Variants in CDH11 observed in about 807,000 individuals in gnomAD.
The protein encoded by CDH11 is cadherin-11.
In CDH11, 11 loss-of-function variants were observed where a neutral mutation model predicts 67.8. That is an observed-to-expected ratio of 0.16 (90% confidence interval 0.10 to 0.27). CDH11 has a LOEUF of 0.27. Among genes scored for constraint, CDH11 ranks in the 10% least tolerant of loss-of-function variants. The pLI is 1.00. For synonymous variants in CDH11, 419 were observed against 400.0 expected (o/e 1.05, Z -0.57); for missense variants, 847 against 1,031.2 (o/e 0.82, Z 2.45).
intron 1 of CDH11, among the ~76,000 whole-genome samples, chr16:65,089,705 C>T (rs957623197): frequency 5.9e-5 from 9 of 152,040 alleles, no homozygotes; most frequent in Non-Finnish European, 1.2e-4. Context: ...GTTTCTTTTG[C>T]GTGTTACATA....
Position 64,945,890 on chromosome 16 carries a change from C to T in CDH11, c.*1713G>A. 9.5e-7 allele frequency: 1 copy of T among 1,057,472 alleles called. No individual in the cohort carries two copies. The highest frequency in any genetic ancestry group is 4.6e-5 in the South Asian group (1 of 21,896). 65.5% of individuals were successfully genotyped at this position (1,057,472 alleles called of 1,614,324 possible). A position where few individuals can be genotyped will look rare whatever the true frequency, so the allele number is the denominator to read the frequency against. On this transcript the variant is annotated 3_prime_UTR_variant, in exon 13 of 13. Coordinates refer to ENST00000268603, the MANE Select transcript of CDH11 (RefSeq NM_001797.4). ...TCTGCAATCCAAGAAAAAGCACGTG[C>T]CCTGTGTGTAGGGGGAAAGAGGGAA... is the stretch of plus-strand genomic sequence containing the variant.
intron 1 of CDH11, among the ~76,000 whole-genome samples, chr16:65,105,988 G>A (rs755087576): frequency 2.0e-5 from 3 of 152,124 alleles, no homozygotes; most frequent in Non-Finnish European, 4.4e-5. Context: ...ACAGGTTTGG[G>A]GGCCTCTTTG....
At chr16:65,115,296 T>C (rs187417095) in intron 1 of CDH11, among the ~76,000 whole-genome samples, 1 of 152,254 alleles carries the variant, frequency 6.6e-6, no homozygotes, top group Admixed American at 6.5e-5. Flanking sequence ...GGAAGAGGGA[T>C]GGATCACTTA....
rs1252227710 is a variant in CDH11, at chr16:64,943,820, T to C, written c.*3783A>G. Reference sequence around the variant, plus strand: ...TTCAGGCACTGTGTAAAGAACTGAGTATACAATGGTAAACAAGAAAGCAAG... The same window carrying C: ...TTCAGGCACTGTGTAAAGAACTGAGCATACAATGGTAAACAAGAAAGCAAG... On this transcript the variant is annotated 3_prime_UTR_variant, in exon 13 of 13. Transcript: ENST00000268603. 1 of 220,382 alleles carries C rather than the reference T, an allele frequency of 4.5e-6. No homozygotes were observed. Among genetic ancestry groups the C allele is most frequent in the Admixed American group, 5.8e-5 (1 of 17,350 alleles). 13.7% of individuals were successfully genotyped at this position (220,382 alleles called of 1,614,324 possible). A position where few individuals can be genotyped will look rare whatever the true frequency, so the allele number is the denominator to read the frequency against.
At chr16:64,993,375 T>A (rs1451814787) in intron 4 of CDH11, among the ~76,000 whole-genome samples, 1 of 152,134 alleles carries the variant, frequency 6.6e-6, no homozygotes, top group African/African-American at 2.4e-5. Flanking sequence ...GTTCAGTATA[T>A]CAAATAATTA....
intron 2 of CDH11, among the ~76,000 whole-genome samples, chr16:65,031,114 T>C (rs1297669140): frequency 6.6e-6 from 1 of 152,190 alleles, no homozygotes; most frequent in Non-Finnish European, 1.5e-5. Context: ...GTCAGAATAA[T>C]TTATATTAGG....
At chr16:65,041,903 A>T (rs943996578) in intron 2 of CDH11, among the ~76,000 whole-genome samples, 2 of 152,242 alleles carry the variant, frequency 1.3e-5, no homozygotes, top group Non-Finnish European at 2.9e-5. Flanking sequence ...GGAGTGCTCC[A>T]GGCAATGATG....
chr16:65,115,164 C>T (rs1482453878), intron 1 of CDH11, among the ~76,000 whole-genome samples: 2 of 152,100 alleles, frequency 1.3e-5, no homozygotes, highest in East Asian at 3.9e-4. Context: ...CTTACCACAG[C>T]AACCCATACG....
chr16:65,031,673 G>A (rs1048805642), intron 2 of CDH11, among the ~76,000 whole-genome samples: 1 of 152,088 alleles, frequency 6.6e-6, no homozygotes. Context: ...AGAGGAAAGG[G>A]GTGATGCAGA....
At chr16:64,950,466 T>A (rs1342111547) in intron 12 of CDH11, among the ~76,000 whole-genome samples, 1 of 152,098 alleles carries the variant, frequency 6.6e-6, no homozygotes, top group Non-Finnish European at 1.5e-5. Context: ...TGAAGCCCCC[T>A]AGTGGCTCCT....
chr16:65,111,713 A>ACACAC (rs1567586100), intron 1 of CDH11, among the ~76,000 whole-genome samples: 4 of 150,804 alleles, frequency 2.7e-5, no homozygotes, highest in African/African-American at 4.9e-5. Context: ...ACACACACAC[A>ACACAC]AATGGGGAGT....
chr16:65,046,846 G>A (rs1293325641), intron 2 of CDH11, among the ~76,000 whole-genome samples: 1 of 152,108 alleles, frequency 6.6e-6, no homozygotes. Context: ...GGTGACTCAG[G>A]CTTGTAATTC....
At chr16:64,953,662 A>T (rs2071424355) in intron 11 of CDH11, among the ~76,000 whole-genome samples, 1 of 152,242 alleles carries the variant, frequency 6.6e-6, no homozygotes, top group Admixed American at 6.5e-5. Flanking sequence ...CAATTACAAT[A>T]AAAATTACAT....
chr16:64,944,347 C>T lies in CDH11; in HGVS notation c.*3256G>A. The T allele has an allele frequency of 4.3e-6, 1 of 232,674 alleles. No individual in the cohort carries two copies. Among genetic ancestry groups the T allele is most frequent in the Non-Finnish European group, 8.5e-6 (1 of 117,724 alleles). The allele number at this position is 232,674 out of a possible 1,614,324, so 14.4% of individuals were successfully genotyped here. On this transcript the variant is annotated 3_prime_UTR_variant, in exon 13 of 13. Transcript: ENST00000268603. Reference sequence around the variant, plus strand: ...GTGCAAGAGCAGAGAAGTCTTTCCTCTTCTCCATCTCCAAATTACTGAATT... The same window carrying T: ...GTGCAAGAGCAGAGAAGTCTTTCCTTTTCTCCATCTCCAAATTACTGAATT...
intron 1 of CDH11, among the ~76,000 whole-genome samples, chr16:65,067,705 G>A (rs1203326002): frequency 6.7e-6 from 1 of 148,732 alleles, no homozygotes; most frequent in East Asian, 2.0e-4. Flanking sequence ...GAGAAGGAGG[G>A]AGGGAAGAAG....
chr16:65,092,182 C>T (rs184704627), intron 1 of CDH11, among the ~76,000 whole-genome samples: 1 of 152,256 alleles, frequency 6.6e-6, no homozygotes, highest in East Asian at 1.9e-4. Flanking sequence ...TACACTGCAG[C>T]CCCTCAAAGC....
At chr16:64,982,533 C>T (rs186607689) in intron 7 of CDH11, 215 of 487,406 alleles carry the variant, frequency 4.4e-4, no homozygotes, top group Non-Finnish European at 2.8e-4. Flanking sequence ...AGAAAGACCA[C>T]GTCATCTAAA....
chr16:65,097,505 C>T (rs1005578615), intron 1 of CDH11, among the ~76,000 whole-genome samples: 9 of 152,162 alleles, frequency 5.9e-5, no homozygotes, highest in East Asian at 1.9e-4. Context: ...CACTGCAGGA[C>T]GTCTAGCGGC....
In CDH11 at chr16:64,991,808, T is replaced by C; in HGVS notation, c.771A>G (p.Thr257=). ...GTGGGTTGTCATTGACATCGGTCAG[T>C]GTGATCGTCACTTTGGTTGTCCCTG... ...GLSGTTKVTI[T]LTDVNDNPPK... Residue 257 remains threonine, a synonymous_variant, in exon 6 of 13, where the codon ACA becomes ACG. Coordinates refer to ENST00000268603, the MANE Select transcript of CDH11 (RefSeq NM_001797.4). 1 of 1,613,940 alleles carries C rather than the reference T, an allele frequency of 6.2e-7. No homozygotes were observed. The highest frequency in any genetic ancestry group is 8.5e-7 in the Non-Finnish European group (1 of 1,179,844).
Sources: gnomAD v4.1 joint callset for allele counts (sites outside exome capture counted in the v4.1 genomes callset) on GRCh38, gnomAD v4.1.1 for gene constraint, MANE v1.5 for transcripts, NCBI Gene and HGNC (gene_info 2026-07-23, HGNC 2026-07-21) for gene names.